Variants in PFDN1 observed in about 807,000 individuals in gnomAD.
PFDN1 encodes prefoldin 1.
In PFDN1, 6 loss-of-function variants were observed where a neutral mutation model predicts 17.3. The ratio of observed to expected loss-of-function variants is 0.35; its 90% confidence interval spans 0.19 to 0.69. The LOEUF (loss-of-function observed/expected upper bound fraction) is 0.69. PFDN1 is among the 30% of genes least tolerant of loss of function. The pLI, the probability that PFDN1 is intolerant of heterozygous loss-of-function variation, is 0.65. For missense variants in PFDN1, 113 were observed against 146.2 expected (o/e 0.77, Z 1.17); for synonymous variants, 58 against 50.1 (o/e 1.16, Z -0.67).
At chr5:140,262,607 C>T (rs1025092071) in intron 3 of PFDN1, 1 of 454,374 alleles carries the variant, frequency 2.2e-6, no homozygotes, top group Non-Finnish European at 4.4e-6. Flanking sequence ...ATGAAAAAAA[C>T]AAGTTGTTGA....
chr5:140,285,471 T>C (rs1561513137), intron 2 of PFDN1, among the ~76,000 whole-genome samples: 1 of 152,124 alleles, frequency 6.6e-6, no homozygotes, highest in Non-Finnish European at 1.5e-5. Context: ...ATTGAACTTC[T>C]TTTTTTAAAA....
rs1016884003 is a variant in PFDN1 at position 140,275,796 on chromosome 5, C to T, written c.285+5653G>A. The stretch of plus-strand genomic sequence containing the variant: ...AGGTTTGTCCCTCCTGCCATCTACA[C>T]AAACTGTGGGTAGAGGGTGGGGAAG... On this transcript the variant is annotated intron_variant, in intron 3 of 3. Coordinates refer to ENST00000261813, the MANE Select transcript of PFDN1 (RefSeq NM_002622.5). Among the ~76,000 whole-genome samples, 5 of 152,202 alleles carry T rather than the reference C, an allele frequency of 3.3e-5. No individual in the cohort carries two copies. The East Asian group carries it at 9.6e-4, about 29-fold the overall frequency.
intron 3 of PFDN1, among the ~76,000 whole-genome samples, chr5:140,273,302 G>C (rs937824108): frequency 2.0e-5 from 3 of 150,516 alleles, no homozygotes; most frequent in African/African-American, 7.3e-5. Flanking sequence ...TCATACAGTA[G>C]AGTCCACCTG....
At position 140,286,138 on chromosome 5, in the gene PFDN1, T is replaced by C. The variant is rs576841132; in HGVS notation, c.201-4605A>G. Among the ~76,000 whole-genome samples, 16 of 151,628 alleles carry C rather than the reference T, an allele frequency of 1.1e-4. No homozygotes were observed. The East Asian group carries it at 2.9e-3, about 28-fold the overall frequency. The stretch of plus-strand genomic sequence containing the variant: ...AAAAAATTAGCACGTCAGCCAGGCG[T>C]GGTGGTTCACACCTGCAATCCCTGC... On this transcript the variant is annotated intron_variant, in intron 2 of 3. Coordinates refer to ENST00000261813, the MANE Select transcript of PFDN1 (RefSeq NM_002622.5).
chr5:140,261,563 C>T, intron 3 of PFDN1, among the ~76,000 whole-genome samples: 1 of 152,182 alleles, frequency 6.6e-6, no homozygotes, highest in African/African-American at 2.4e-5. Flanking sequence ...AAAGCCACGG[C>T]AGGCACAGCT....
intron 1 of PFDN1, among the ~76,000 whole-genome samples, chr5:140,301,226 G>A (rs1209011365): frequency 1.3e-5 from 2 of 152,112 alleles, no homozygotes; most frequent in African/African-American, 4.8e-5. Flanking sequence ...CCATTCCACT[G>A]TCTATAGTAA....
In PFDN1 at chr5:140,298,045, A is replaced by G. The variant is rs188591212; in HGVS notation, c.200+2371T>C. On this transcript the variant is annotated intron_variant, in intron 2 of 3. Coordinates refer to ENST00000261813, the MANE Select transcript of PFDN1 (RefSeq NM_002622.5). ...ACAATGCATTTCATACTACACAGAC[A>G]CATATTCAAGGGTTCTACTTTGTTC... 6.5e-3 allele frequency among the ~76,000 whole-genome samples: 984 copies of G among 152,294 alleles called. 16 individuals carry two copies. The highest frequency in any genetic ancestry group is 0.022 in the African/African-American group (915 of 41,564).
rs1764815023 is a variant in PFDN1, at chr5:140,245,451, G to A, written c.*523C>T. ...GTTCTTTCTTCCTCTTCTGTCTACT[G>A]CATGCAGGCCCGGAAGCTGAGCGTT... is the stretch of plus-strand genomic sequence containing the variant. On this transcript the variant is annotated 3_prime_UTR_variant, in exon 4 of 4. Transcript: ENST00000261813. 1.4e-6 allele frequency: 1 copy of A among 702,496 alleles called. No individual in the cohort carries two copies. Among genetic ancestry groups the A allele is most frequent in the South Asian group, 1.5e-5 (1 of 67,610 alleles). The allele number at this position is 702,496 out of a possible 1,614,324, so 43.5% of individuals were successfully genotyped here. A position where few individuals can be genotyped will look rare whatever the true frequency, so the allele number is the denominator to read the frequency against.
chr5:140,280,442 C>CT (rs1765383027), intron 3 of PFDN1, among the ~76,000 whole-genome samples: 1 of 151,994 alleles, frequency 6.6e-6, no homozygotes, highest in Admixed American at 6.6e-5. Context: ...GGTTTTTTTG[C>CT]TTTTTTGTCT....
intron 3 of PFDN1, among the ~76,000 whole-genome samples, chr5:140,264,338 C>G (rs1747937546): frequency 3.9e-5 from 6 of 152,160 alleles, no homozygotes. Context: ...CTAAGTATGT[C>G]ATTTATCCAA....
intron 2 of PFDN1, among the ~76,000 whole-genome samples, chr5:140,295,067 A>T (rs1765633433): frequency 6.6e-6 from 1 of 152,082 alleles, no homozygotes; most frequent in Non-Finnish European, 1.5e-5. Context: ...TCATATTAAA[A>T]AAAAAGTTAA....
At chr5:140,278,750 AAATGAATAAG>A (rs1765344048) in intron 3 of PFDN1, among the ~76,000 whole-genome samples, 1 of 152,210 alleles carries the variant, frequency 6.6e-6, no homozygotes, top group African/African-American at 2.4e-5. Context: ...CTCAGTAACT[AAATGAATAAG>A]CAGATGATAA....
At chr5:140,256,211 C>T (rs189146148) in intron 3 of PFDN1, among the ~76,000 whole-genome samples, 89 of 152,244 alleles carry the variant, frequency 5.8e-4, no homozygotes, top group Non-Finnish European at 6.6e-4. Flanking sequence ...CATCTGCACT[C>T]CCTCTTAGAA....
intron 2 of PFDN1, among the ~76,000 whole-genome samples, chr5:140,282,787 G>C (rs1765430868): frequency 6.6e-6 from 1 of 152,138 alleles, no homozygotes; most frequent in Non-Finnish European, 1.5e-5. Context: ...CCCTCCACTG[G>C]AACCAAGGGA....
At chr5:140,268,243 C>T (rs565170990) in intron 3 of PFDN1, among the ~76,000 whole-genome samples, 7 of 152,088 alleles carry the variant, frequency 4.6e-5, no homozygotes, top group South Asian at 4.2e-4. Flanking sequence ...ATGAATAAAA[C>T]GGTAAGATAA....
chr5:140,287,933 C>A (rs1765521973), intron 2 of PFDN1, among the ~76,000 whole-genome samples: 1 of 152,210 alleles, frequency 6.6e-6, no homozygotes, highest in African/African-American at 2.4e-5. Flanking sequence ...ACTGAGAACA[C>A]CATATGCCGA....
At chr5:140,302,964 C>T in intron 1 of PFDN1, 77 bp downstream of exon 1, 5 of 1,028,294 alleles carry the variant, frequency 4.9e-6, no homozygotes, top group Non-Finnish European at 7.8e-6. Context: ...AAGGCTCGTG[C>T]CTCACTTGAT....
In PFDN1 at chr5:140,279,062, G is replaced by A. The variant is rs1041695309; in HGVS notation, c.285+2387C>T. 1.3e-5 allele frequency among the ~76,000 whole-genome samples: 2 copies of A among 152,176 alleles called. 1 individual carries two copies. The highest frequency in any genetic ancestry group is 6.8e-3 in the Middle Eastern group (2 of 294). ...TATAAACTGGAGTTATATTACTAAA[G>A]TAGCAAGATAAACTGTCAAATGATG... On this transcript the variant is annotated intron_variant, in intron 3 of 3. Coordinates refer to ENST00000261813, the MANE Select transcript of PFDN1 (RefSeq NM_002622.5).
chr5:140,245,279 T>C lies in PFDN1; in HGVS notation c.*695A>G, dbSNP rs7204. On this transcript the variant is annotated 3_prime_UTR_variant, in exon 4 of 4. Coordinates refer to ENST00000261813, the MANE Select transcript of PFDN1 (RefSeq NM_002622.5). ...GGATTATGGCGTCCATCTTATGATA[T>C]TGGCCAAAAGGAGACAGTCTTGGAG... is the stretch of plus-strand genomic sequence containing the variant. 0.23 allele frequency: 126,078 copies of C among 559,838 alleles called. 14,655 individuals are homozygous for C. The highest frequency in any genetic ancestry group is 0.28 in the East Asian group (9,233 of 33,464). The allele number at this position is 559,838 out of a possible 1,614,324, so 34.7% of individuals were successfully genotyped here.
Sources: allele counts gnomAD v4.1 joint callset (sites outside exome capture counted in the v4.1 genomes callset), GRCh38; gene constraint gnomAD v4.1.1; transcripts MANE v1.5; gene names NCBI Gene and HGNC (gene_info 2026-07-23, HGNC 2026-07-21).